Variants in CSMD2 observed in about 807,000 individuals in gnomAD.
The protein encoded by CSMD2 is CUB and sushi domain-containing protein 2.
In CSMD2, 130 loss-of-function variants were observed where a neutral mutation model predicts 398.5. The observed-to-expected ratio is 0.33, with a 90% CI of 0.28 to 0.38. The LOEUF (loss-of-function observed/expected upper bound fraction) is 0.38. Ranked by LOEUF, CSMD2 falls within the 10% of genes least tolerant of loss-of-function variation. The pLI, the probability that CSMD2 is intolerant of heterozygous loss-of-function variation, is 1.00. For synonymous variants in CSMD2, 1,828 were observed against 1,908.5 expected (o/e 0.96, Z 1.10); for missense variants, 3,829 against 4,764.9 (o/e 0.80, Z 5.78).
At chr1:33,586,761 G>A (rs576082009) in intron 45 of CSMD2, 144 bp from the exon 46 acceptor site, 39 of 622,850 alleles carry the variant, frequency 6.3e-5, no homozygotes, top group Non-Finnish European at 1.0e-4. Flanking sequence ...AAATGGCCCA[G>A]ACGACTGCTC....
At position 33,515,396 on chromosome 1, in the gene CSMD2, T is replaced by G. The variant is rs551562645; in HGVS notation, c.*1228A>C. 6.6e-6 allele frequency: 1 copy of G among 152,396 alleles called. No homozygotes were observed. The highest frequency in any genetic ancestry group is 6.5e-5 in the Admixed American group (1 of 15,308). 9.4% of individuals were successfully genotyped at this position (152,396 alleles called of 1,614,324 possible). A position where few individuals can be genotyped will look rare whatever the true frequency, so the allele number is the denominator to read the frequency against. On this transcript the variant is annotated 3_prime_UTR_variant, in exon 71 of 71. Coordinates refer to ENST00000373381, the MANE Select transcript of CSMD2 (RefSeq NM_001281956.2). The stretch of plus-strand genomic sequence containing the variant: ...GGTGTCTTGCCTGGCTTTCCAGACC[T>G]GGCCACAGTGCTACTGTAGAGATTC...
At position 33,611,242 on chromosome 1, in the gene CSMD2, T is replaced by C. The variant is rs1179639230; in HGVS notation, c.6142A>G (p.Ile2048Val). ...IALPVGFGAH[I>V]QFLNFSTEPN... ...TCGGTGGAGAAGTTCAGGAACTGGATGTGAGCTCCTGGGAGCAAGACAGAG... is the reference window on the plus strand; with the variant it reads ...TCGGTGGAGAAGTTCAGGAACTGGACGTGAGCTCCTGGGAGCAAGACAGAG... Residue 2048 changes from isoleucine to valine, a missense_variant, in exon 41 of 71, where the codon ATC becomes GTC. Transcript: ENST00000373381. The C allele has an allele frequency of 6.2e-6, 10 of 1,613,724 alleles. No homozygotes were observed. The highest frequency in any genetic ancestry group is 8.5e-6 in the Non-Finnish European group (10 of 1,179,914).
At chr1:33,883,256 G>T (rs1293197808) in intron 5 of CSMD2, among the ~76,000 whole-genome samples, 1 of 152,180 alleles carries the variant, frequency 6.6e-6, no homozygotes, top group African/African-American at 2.4e-5. Context: ...TTAGGCTGCG[G>T]AGTAAAAAAG....
At chr1:33,773,850 G>GA (rs1651604203) in intron 12 of CSMD2, among the ~76,000 whole-genome samples, 1 of 152,040 alleles carries the variant, frequency 6.6e-6, no homozygotes, top group South Asian at 2.1e-4. Context: ...GGATTCTCAG[G>GA]AAAAAGGGAC....
rs373475461 is a variant in CSMD2, at chr1:33,879,801, A to G, written c.921-32805T>C. 1.1e-4 allele frequency among the ~76,000 whole-genome samples: 16 copies of G among 152,304 alleles called. 1 individual carries two copies. The highest frequency in any genetic ancestry group is 3.6e-4 in the African/African-American group (15 of 41,556). Reference sequence around the variant, plus strand: ...ATCCTCCTTCTTCTTGTCCGTGTAAAGGGTGAATTAAAACCTACTCAAGGT... The same window carrying G: ...ATCCTCCTTCTTCTTGTCCGTGTAAGGGGTGAATTAAAACCTACTCAAGGT... On this transcript the variant is annotated intron_variant, in intron 5 of 70. Transcript: ENST00000373381.
intron 3 of CSMD2, among the ~76,000 whole-genome samples, chr1:33,948,477 A>G (rs1411738716): frequency 6.6e-6 from 1 of 152,232 alleles, no homozygotes; most frequent in Non-Finnish European, 1.5e-5. Context: ...ACATTCTCAT[A>G]CACATAAACA....
Position 33,714,688 on chromosome 1 carries a change from G to C in CSMD2, c.3305C>G (p.Thr1102Ser), listed in dbSNP as rs373581623. 17 of 1,613,956 alleles carry C rather than the reference G, an allele frequency of 1.1e-5. No individual in the cohort carries two copies. In the African/African-American group the frequency reaches 2.3e-4, roughly 22 times the overall value. ...ACGGTACCCGGGGAAGCAGGAGAAG[G>C]TCAAGGTGTCGCCCACGCCAAACTG... ...GLQFGVGDTL[T>S]FSCFPGYRLE... Residue 1102 changes from threonine (T) to serine (S), a missense_variant, in exon 21 of 71, where the codon ACC becomes AGC. By Grantham distance (58) the Thr-to-Ser change is moderately conservative. Around this residue, in one of 5 missense-constraint regions of CSMD2, gnomAD observed 2,001 missense variants for 2,567.1 expected, o/e 0.78. Transcript: ENST00000373381.
intron 25 of CSMD2, among the ~76,000 whole-genome samples, chr1:33,666,545 G>A (rs1032300751): frequency 6.8e-6 from 1 of 146,662 alleles, no homozygotes; most frequent in East Asian, 2.0e-4. Flanking sequence ...ATATATATGT[G>A]TGTGTGTGTG....
chr1:33,743,658 C>A, intron 13 of CSMD2, 52 bp from the exon 14 acceptor site: 1 of 1,321,040 alleles, frequency 7.6e-7, no homozygotes, highest in Non-Finnish European at 1.0e-6. Context: ...ATTCTGCCTG[C>A]ACCACTGAGG....
At chr1:33,953,517 A>G (rs1260060987) in intron 3 of CSMD2, among the ~76,000 whole-genome samples, 3 of 151,986 alleles carry the variant, frequency 2.0e-5, no homozygotes. Context: ...GTAGAACCCA[A>G]TCTCTGTAGC....
At chr1:33,567,948 C>T (rs2148681036) in intron 52 of CSMD2, 107 bp from the exon 53 acceptor site, 1 of 1,363,462 alleles carries the variant, frequency 7.3e-7, no homozygotes, top group Non-Finnish European at 9.9e-7. Context: ...GAACCCTCAG[C>T]ATGACAAAAA....
intron 36 of CSMD2, among the ~76,000 whole-genome samples, chr1:33,622,889 T>C (rs1641864599): frequency 6.6e-6 from 1 of 152,252 alleles, no homozygotes; most frequent in Non-Finnish European, 1.5e-5. Flanking sequence ...GCATGAGCAT[T>C]ATTCATAACA....
chr1:34,053,560 T>C (rs752088685), intron 2 of CSMD2, among the ~76,000 whole-genome samples: 1 of 152,192 alleles, frequency 6.6e-6, no homozygotes, highest in African/African-American at 2.4e-5. Context: ...CTTTGTTTCC[T>C]CAGGAAAACA....
At chr1:33,634,829 C>T (rs1269773843) in intron 31 of CSMD2, among the ~76,000 whole-genome samples, 2 of 152,138 alleles carry the variant, frequency 1.3e-5, no homozygotes, top group Non-Finnish European at 2.9e-5. Context: ...CCAGCTCCAT[C>T]CCATTCCTCT....
chr1:33,922,060 C>T lies in CSMD2; in HGVS notation c.713-3759G>A, dbSNP rs183381803. Among the ~76,000 whole-genome samples the T allele has an allele frequency of 2.0e-3, 299 of 152,194 alleles. 3 individuals are homozygous for T. Among genetic ancestry groups the T allele is most frequent in the Non-Finnish European group, 3.3e-3 (226 of 68,000 alleles). On this transcript the variant is annotated intron_variant, in intron 4 of 70. Transcript: ENST00000373381. ...GAAGGAGAGAGCAGAGACAGGGACG[C>T]TAGAGGAGACGCAGCTCTGCAGGAA...
intron 44 of CSMD2, among the ~76,000 whole-genome samples, chr1:33,594,202 G>A (rs1398454947): frequency 6.6e-6 from 1 of 152,026 alleles, no homozygotes; most frequent in Non-Finnish European, 1.5e-5. Context: ...TGAGTTACTG[G>A]TTCATCTGGA....
chr1:33,959,223 C>T (rs1016398361), intron 3 of CSMD2, among the ~76,000 whole-genome samples: 7 of 152,086 alleles, frequency 4.6e-5, no homozygotes, highest in African/African-American at 9.7e-5. Flanking sequence ...ACAGAGAAGG[C>T]GTGTGGTGAC....
chr1:33,999,457 T>C (rs537971203), intron 3 of CSMD2, among the ~76,000 whole-genome samples: 1 of 152,282 alleles, frequency 6.6e-6, no homozygotes, highest in East Asian at 1.9e-4. Context: ...AGTAGCGAGA[T>C]CATAGCTCAC....
intron 3 of CSMD2, among the ~76,000 whole-genome samples, chr1:33,972,698 C>T (rs957027694): frequency 1.1e-4 from 17 of 152,126 alleles, no homozygotes; most frequent in African/African-American, 3.9e-4. Context: ...AAGGAATCGG[C>T]CCTGCCAACA....
Sources: allele counts gnomAD v4.1 joint callset (sites outside exome capture counted in the v4.1 genomes callset), GRCh38; gene constraint gnomAD v4.1.1; regional missense constraint gnomAD v4.1.1; transcripts MANE v1.5; gene names NCBI Gene and HGNC (gene_info 2026-07-23, HGNC 2026-07-21).